The following OPCML variants were observed in gnomAD, a reference collection of about 807,000 sequenced individuals.
OPCML encodes opioid-binding protein/cell adhesion molecule.
Under a neutral mutation model 37.8 loss-of-function variants are expected in OPCML, and 13 were observed. That is an observed-to-expected ratio of 0.34 (90% CI 0.22 to 0.55). The LOEUF (loss-of-function observed/expected upper bound fraction) is 0.55. OPCML is among the 20% of genes least tolerant of loss of function. The probability of loss-of-function intolerance (pLI) is 0.91; values close to 1 mark genes in which losing one functional copy is unlikely to be tolerated. For synonymous variants in OPCML, 176 were observed against 168.8 expected, an observed-to-expected ratio of 1.04 and a Z score of -0.33; for missense variants, 341 against 435.6, an observed-to-expected ratio of 0.78 and a Z score of 1.93.
chr11:132,586,597 G>C (rs944974961), intron 3 of OPCML, among the ~76,000 whole-genome samples: 6 of 152,194 alleles, frequency 3.9e-5, no homozygotes, highest in Non-Finnish European at 8.8e-5. Flanking sequence ...GTTTGTCCCA[G>C]GGCTACGACA....
chr11:133,061,879 G>A (rs1948348397), intron 1 of OPCML, among the ~76,000 whole-genome samples: 1 of 151,494 alleles, frequency 6.6e-6, no homozygotes, highest in African/African-American at 2.4e-5. Context: ...ATGCATAAAT[G>A]GGACACTAAA....
chr11:133,173,309 T>A lies in OPCML; in HGVS notation c.62-230299A>T, dbSNP rs1432784547. 6.6e-6 allele frequency among the ~76,000 whole-genome samples: 1 copy of A among 152,236 alleles called. No individual in the cohort carries two copies. Among genetic ancestry groups the A allele is most frequent in the Non-Finnish European group, 1.5e-5 (1 of 68,046 alleles). On this transcript the variant is annotated intron_variant, in intron 1 of 7. Transcript: ENST00000524381. The surrounding 1 kb of genome is among the most constrained non-coding windows in gnomAD (Gnocchi z 7.8). ...TATAATAACATGATTATTTAATATG[T>A]TTAATATCTGTCTCTACTTGTAGAC... is the stretch of plus-strand genomic sequence containing the variant.
chr11:132,566,507 G>A (rs2096423550), intron 3 of OPCML, among the ~76,000 whole-genome samples: 1 of 152,186 alleles, frequency 6.6e-6, no homozygotes, highest in Non-Finnish European at 1.5e-5. Flanking sequence ...GGGTTAAAAT[G>A]TTCCAAATTA....
chr11:133,060,587 C>T (rs1025683007), intron 1 of OPCML, among the ~76,000 whole-genome samples: 4 of 152,210 alleles, frequency 2.6e-5, no homozygotes, highest in African/African-American at 9.6e-5. Context: ...GCCACCAGGC[C>T]TTGGCTCCCC....
intron 3 of OPCML, among the ~76,000 whole-genome samples, chr11:132,632,121 T>C (rs1940175100): frequency 6.8e-6 from 1 of 147,924 alleles, no homozygotes; most frequent in African/African-American, 2.5e-5. Context: ...GGATAGGGAA[T>C]GCAGATCCAG....
At chr11:133,232,454 C>T (rs1350520256) in intron 1 of OPCML, among the ~76,000 whole-genome samples, 1 of 151,970 alleles carries the variant, frequency 6.6e-6, no homozygotes, top group Non-Finnish European at 1.5e-5. Flanking sequence ...AACATGGAAA[C>T]AATGTGCAAA....
At chr11:132,795,846 C>T (rs544430427) in intron 2 of OPCML, among the ~76,000 whole-genome samples, 2 of 152,308 alleles carry the variant, frequency 1.3e-5, no homozygotes, top group South Asian at 2.1e-4. Flanking sequence ...CCCAGGTCTG[C>T]CTAAGTTGTA....
intron 1 of OPCML, among the ~76,000 whole-genome samples, chr11:133,483,758 A>T (rs1947444258): frequency 6.7e-6 from 1 of 148,550 alleles, no homozygotes; most frequent in South Asian, 2.2e-4. Flanking sequence ...AGATTCATAG[A>T]GAGAAAAAGA....
intron 1 of OPCML, among the ~76,000 whole-genome samples, chr11:132,995,341 T>C (rs748638805): frequency 1.3e-5 from 2 of 152,072 alleles, no homozygotes; most frequent in African/African-American, 2.4e-5. Context: ...TACTCAATGA[T>C]AGTATTAGTA....
chr11:133,152,692 T>C (rs1033412618), intron 1 of OPCML, among the ~76,000 whole-genome samples: 4 of 152,140 alleles, frequency 2.6e-5, no homozygotes, highest in Non-Finnish European at 5.9e-5. Flanking sequence ...TTCTCTCTAA[T>C]TGATGCGTGG....
chr11:132,626,215 A>T (rs1939729451), intron 3 of OPCML, among the ~76,000 whole-genome samples: 1 of 151,600 alleles, frequency 6.6e-6, no homozygotes, highest in African/African-American at 2.4e-5. Context: ...CATGGCTGGA[A>T]CATTTTACAG....
chr11:132,513,872 C>T (rs534214188), intron 4 of OPCML, among the ~76,000 whole-genome samples: 1 of 152,304 alleles, frequency 6.6e-6, no homozygotes, highest in East Asian at 1.9e-4. Flanking sequence ...GAGCCTTTCA[C>T]TAAACTTTGA....
intron 1 of OPCML, among the ~76,000 whole-genome samples, chr11:132,970,338 G>A (rs1306232380): frequency 1.3e-5 from 2 of 152,138 alleles, no homozygotes; most frequent in Admixed American, 1.3e-4. Context: ...TGGGAAGGGT[G>A]TGTTTGAATA....
chr11:133,025,520 C>T lies in OPCML; in HGVS notation c.62-82510G>A, dbSNP rs556835214. ...GCTCTCTCAGGAACACTGGATTCTT[C>T]GGTTGAAAGCAAAGCTGAAAATTTA... On this transcript the variant is annotated intron_variant, in intron 1 of 7. Transcript: ENST00000524381. The T allele has an allele frequency of 1.4e-4, 134 of 962,928 alleles. No individual in the cohort carries two copies. The Middle Eastern group carries it at 1.6e-3, about 12-fold the overall frequency. 59.6% of individuals were successfully genotyped at this position (962,928 alleles called of 1,614,324 possible). A position where few individuals can be genotyped will look rare whatever the true frequency, so the allele number is the denominator to read the frequency against.
Position 132,999,972 on chromosome 11 carries a change from C to T in OPCML, c.62-56962G>A, listed in dbSNP as rs1348043105. Among the ~76,000 whole-genome samples the T allele has an allele frequency of 3.9e-5, 6 of 152,240 alleles. No individual in the cohort carries two copies. In the East Asian group the frequency reaches 9.6e-4, roughly 24 times the overall value. ...CAGCCCACCAGACCTGGAAACCCAT[C>T]TTTCCTGTGTAGACACACCGCTGAG... On this transcript the variant is annotated intron_variant, in intron 1 of 7. Transcript: ENST00000524381.
chr11:132,633,174 T>C (rs1463692713), intron 3 of OPCML, among the ~76,000 whole-genome samples: 1 of 152,058 alleles, frequency 6.6e-6, no homozygotes, highest in Non-Finnish European at 1.5e-5. Context: ...AGCACCCAAC[T>C]GTTGGTGTTT....
At chr11:132,910,187 G>A (rs1351161052) in intron 2 of OPCML, among the ~76,000 whole-genome samples, 1 of 152,224 alleles carries the variant, frequency 6.6e-6, no homozygotes, top group Non-Finnish European at 1.5e-5. Context: ...CAGGACAAAG[G>A]TAAATCTCAG....
At chr11:133,146,588 C>T (rs1326865547) in intron 1 of OPCML, among the ~76,000 whole-genome samples, 2 of 152,150 alleles carry the variant, frequency 1.3e-5, no homozygotes, top group East Asian at 3.9e-4. Context: ...GCTGGGATTA[C>T]AGGCATGAGC....
chr11:133,340,548 T>G (rs1335738215), intron 1 of OPCML, among the ~76,000 whole-genome samples: 2 of 152,148 alleles, frequency 1.3e-5, no homozygotes, highest in East Asian at 3.9e-4. Context: ...CCTCTACCTG[T>G]TCTTTATATT....
Sources: gnomAD v4.1 joint callset for allele counts (sites outside exome capture counted in the v4.1 genomes callset) on GRCh38, gnomAD v4.1.1 for gene constraint, Gnocchi (gnomAD v3.1) non-coding constraint, MANE v1.5 for transcripts, NCBI Gene and HGNC (gene_info 2026-07-23, HGNC 2026-07-21) for gene names.